Variants in CSMD2 observed in about 807,000 individuals in gnomAD.
CSMD2 encodes CUB and sushi domain-containing protein 2.
A neutral mutation model predicts 398.5 loss-of-function variants in CSMD2; 130 were observed. The observed-to-expected ratio is 0.33, with a 90% CI of 0.28 to 0.38. The LOEUF is 0.38. Among genes scored for constraint, CSMD2 ranks in the 10% least tolerant of loss-of-function variants. CSMD2 has a pLI of 1.00. For missense variants in CSMD2, 3,829 were observed against 4,764.9 expected (o/e 0.80, Z 5.78); for synonymous variants, 1,828 against 1,908.5 (o/e 0.96, Z 1.10).
At chr1:33,767,514 A>G (rs1409762123) in intron 13 of CSMD2, among the ~76,000 whole-genome samples, 1 of 152,184 alleles carries the variant, frequency 6.6e-6, no homozygotes, top group Admixed American at 6.5e-5. Context: ...TAACCTTAGC[A>G]GGATCATCCC....
At chr1:34,085,571 C>A (rs549948475) in intron 2 of CSMD2, among the ~76,000 whole-genome samples, 1 of 152,064 alleles carries the variant, frequency 6.6e-6, no homozygotes, top group East Asian at 1.9e-4. Context: ...CAATTTCCTG[C>A]AATAGTTGGT....
intron 3 of CSMD2, among the ~76,000 whole-genome samples, chr1:33,979,710 T>C (rs994882509): frequency 2.0e-5 from 3 of 152,098 alleles, no homozygotes; most frequent in African/African-American, 7.2e-5. Context: ...TGTGTGTGTG[T>C]ACTTTTGTGA....
rs377418762 is a variant in CSMD2 at position 33,985,501 on chromosome 1, C to T, written c.517+47093G>A. ...GGAAGTGGTCCATCTGTTGGGAAGG[C>T]ATGGGGCTGGCTTGGAGGGTGCTTG... On this transcript the variant is annotated intron_variant, in intron 3 of 70. Transcript: ENST00000373381. Among the ~76,000 whole-genome samples the T allele has an allele frequency of 2.8e-4, 43 of 152,264 alleles. No homozygotes were observed. The East Asian group carries it at 4.8e-3, about 17-fold the overall frequency.
intron 2 of CSMD2, among the ~76,000 whole-genome samples, chr1:34,085,612 G>A (rs1337427084): frequency 6.6e-6 from 1 of 152,142 alleles, no homozygotes; most frequent in Non-Finnish European, 1.5e-5. Flanking sequence ...GGTGAGAGGA[G>A]ACAGAAGATT....
At chr1:34,159,420 C>G (rs1300886662) in intron 1 of CSMD2, among the ~76,000 whole-genome samples, 1 of 150,544 alleles carries the variant, frequency 6.6e-6, no homozygotes, top group East Asian at 2.0e-4. Flanking sequence ...AAAAGCAGCA[C>G]AGTATAACTG....
chr1:34,096,437 AG>A (rs1659313754), intron 1 of CSMD2, among the ~76,000 whole-genome samples: 1 of 151,624 alleles, frequency 6.6e-6, no homozygotes, highest in African/African-American at 2.4e-5. Flanking sequence ...AAGGAAATAA[AG>A]GGTATTCAAT....
intron 28 of CSMD2, among the ~76,000 whole-genome samples, chr1:33,651,934 G>A (rs1179678995): frequency 6.6e-6 from 1 of 151,948 alleles, no homozygotes; most frequent in Non-Finnish European, 1.5e-5. Context: ...TGGGGGGGGT[G>A]CCTGGGACCC....
rs566568045 is a variant in CSMD2, at chr1:33,635,423, C to T, written c.4970-93G>A. ...CTGCCCCAGCCTGAGCTTCTGGCCCCAGTAGGGCTGCCCTGAGGTGGGCAG... is the reference window on the plus strand; with the variant it reads ...CTGCCCCAGCCTGAGCTTCTGGCCCTAGTAGGGCTGCCCTGAGGTGGGCAG... On this transcript the variant is annotated intron_variant, in intron 30 of 70. Transcript: ENST00000373381. The surrounding 1 kb of genome is among the most constrained non-coding windows in gnomAD (Gnocchi z 5.0). 13 of 755,306 alleles carry T rather than the reference C, an allele frequency of 1.7e-5. No individual in the cohort carries two copies. The South Asian group carries it at 2.2e-4, about 13-fold the overall frequency. 46.8% of individuals were successfully genotyped at this position (755,306 alleles called of 1,614,324 possible).
intron 68 of CSMD2, among the ~76,000 whole-genome samples, chr1:33,520,387 T>A (rs540174593): frequency 2.0e-5 from 3 of 152,272 alleles, no homozygotes; most frequent in Admixed American, 2.0e-4. Context: ...AAAGGCTGCC[T>A]CTCCTCCTTC....
At chr1:33,824,390 T>C (rs976544737) in intron 7 of CSMD2, among the ~76,000 whole-genome samples, 3 of 152,152 alleles carry the variant, frequency 2.0e-5, no homozygotes, top group African/African-American at 7.2e-5. Flanking sequence ...CCCTCTGCCA[T>C]CCAGTCCCTG....
intron 21 of CSMD2, among the ~76,000 whole-genome samples, chr1:33,713,373 GTTTTGTAT>G (rs1646054770): frequency 6.6e-6 from 1 of 152,198 alleles, no homozygotes; most frequent in Non-Finnish European, 1.5e-5. Context: ...GCTTTGATCT[GTTTTGTAT>G]ATTTTTATGG....
intron 37 of CSMD2, among the ~76,000 whole-genome samples, chr1:33,620,806 CTTTTTTTTTTTT>C (rs34986869): frequency 1.1e-4 from 10 of 91,924 alleles, no homozygotes; most frequent in African/African-American, 3.1e-4. Context: ...TGTCCTGGGT[CTTTTTTTTTTTT>C]TTTTTTTTTT....
At chr1:34,037,211 C>T (rs1295250739) in intron 2 of CSMD2, among the ~76,000 whole-genome samples, 1 of 152,200 alleles carries the variant, frequency 6.6e-6, no homozygotes, top group African/African-American at 2.4e-5. Context: ...GACTTACACT[C>T]AGTCTCCCTG....
intron 25 of CSMD2, among the ~76,000 whole-genome samples, chr1:33,684,070 C>T (rs973907337): frequency 6.6e-6 from 1 of 152,230 alleles, no homozygotes; most frequent in African/African-American, 2.4e-5. Flanking sequence ...AGGGAGGCAA[C>T]ACTGACCACT....
intron 50 of CSMD2, among the ~76,000 whole-genome samples, 165 bp from the exon 51 acceptor site, chr1:33,571,891 G>C (rs752596982): frequency 6.6e-6 from 1 of 152,024 alleles, no homozygotes; most frequent in Non-Finnish European, 1.5e-5. Context: ...GGTTGGGTGG[G>C]GGATGTGGCA....
rs1251365223 is a variant in CSMD2 at position 34,093,848 on chromosome 1, C to A, written c.188-4655G>T. On this transcript the variant is annotated intron_variant, in intron 1 of 70. Transcript: ENST00000373381. ...GAAAACACTCTGCAGGATATTATCCCGGAGAATTTCCCCAATCTAGCAAGG... is the reference window on the plus strand; with the variant it reads ...GAAAACACTCTGCAGGATATTATCCAGGAGAATTTCCCCAATCTAGCAAGG... 1.4e-4 allele frequency among the ~76,000 whole-genome samples: 22 copies of A among 152,156 alleles called. 1 individual carries two copies. In the East Asian group the frequency reaches 1.7e-3, roughly 12 times the overall value.
intron 29 of CSMD2, among the ~76,000 whole-genome samples, chr1:33,644,609 G>A (rs1000260758): frequency 1.3e-5 from 2 of 152,140 alleles, no homozygotes; most frequent in Non-Finnish European, 2.9e-5. Context: ...GTACAGTTTT[G>A]CAAGGTTTAT....
chr1:33,613,099 T>C (rs1033592578), intron 40 of CSMD2, among the ~76,000 whole-genome samples: 2 of 152,074 alleles, frequency 1.3e-5, no homozygotes, highest in Non-Finnish European at 2.9e-5. Context: ...AGCAGCTCTT[T>C]ACACGCTGAG....
Position 33,743,374 on chromosome 1 carries a change from A to T in CSMD2, c.2079T>A (p.Leu693=). ...PVLGTFSGNQ[L]PSSITSSGHV... is the part of the protein sequence containing the mutation. ...GGCCACTGCTTGTGATGGAGGAGGG[A>T]AGCTGGTTTCCTGAGAAGGTGCCCA... The change falls in exon 14 of 71, where the codon CTT becomes CTA. Residue 693 remains leucine (L), a synonymous_variant. Transcript: ENST00000373381. 2 of 1,614,066 alleles carry T rather than the reference A, an allele frequency of 1.2e-6. No homozygotes were observed. Among genetic ancestry groups the T allele is most frequent in the South Asian group, 2.2e-5 (2 of 91,074 alleles).
Sources: gnomAD v4.1 joint callset for allele counts (sites outside exome capture counted in the v4.1 genomes callset) on GRCh38, gnomAD v4.1.1 for gene constraint, Gnocchi (gnomAD v3.1) non-coding constraint, MANE v1.5 for transcripts, NCBI Gene and HGNC (gene_info 2026-07-23, HGNC 2026-07-21) for gene names.